SLCO4A1: variants seen among roughly 807,000 people sequenced by gnomAD.
The protein encoded by SLCO4A1 is colon organic anion transporter.
SLCO4A1 carries 51 observed loss-of-function variants against 64.6 expected under a neutral mutation model. That is an observed-to-expected ratio of 0.79 (90% confidence interval 0.63 to 1.00). The LOEUF is 1.00. Ranked by LOEUF, SLCO4A1 falls within the 50% of genes least tolerant of loss-of-function variation. The probability of loss-of-function intolerance (pLI) is 0.00; values close to 1 mark genes in which losing one functional copy is unlikely to be tolerated. For synonymous variants in SLCO4A1, 471 were observed against 444.9 expected (o/e 1.06, Z -0.74); for missense variants, 919 against 980.5 (o/e 0.94, Z 0.84).
downstream of SLCO4A1, among the ~76,000 whole-genome samples, chr20:62,688,073 A>G (rs1279007714): frequency 6.6e-6 from 1 of 151,290 alleles, no homozygotes; most frequent in Non-Finnish European, 1.5e-5. Flanking sequence ...AGGTCCCAGC[A>G]CCACCAACTT....
chr20:62,670,508 C>T (rs756333046), intron 11 of SLCO4A1, among the ~76,000 whole-genome samples: 6 of 152,216 alleles, frequency 3.9e-5, no homozygotes, highest in Non-Finnish European at 8.8e-5. Flanking sequence ...AAGCCGGAGG[C>T]GCCTCCTTCA....
chr20:62,678,765 C>T (rs142908057), intron 2 of SLCO4A1, among the ~76,000 whole-genome samples: 9 of 152,238 alleles, frequency 5.9e-5, no homozygotes, highest in Non-Finnish European at 8.8e-5. Context: ...GCAACAGGGA[C>T]GAACCTGGGA....
At chr20:62,659,819 C>T (rs557834599) in intron 3 of SLCO4A1, among the ~76,000 whole-genome samples, 3 of 152,260 alleles carry the variant, frequency 2.0e-5, no homozygotes, top group Non-Finnish European at 4.4e-5. Flanking sequence ...TGTGAAGACA[C>T]ATCCCCGAAA....
chr20:62,661,190 C>G lies in SLCO4A1; in HGVS notation c.1121+15C>G, dbSNP rs375505634. On this transcript the variant is annotated intron_variant, in intron 5 of 11. Coordinates refer to ENST00000217159, the MANE Select transcript of SLCO4A1 (RefSeq NM_016354.4). This position sits in a 1 kb window ranked among gnomAD's most constrained non-coding sequence, Gnocchi z 5.2. ...GACCTGCCTCTGTAAGGACCGGAGTCGGGAGGGTTCCTAGTGTCCTCAGAC... is the reference window on the plus strand; with the variant it reads ...GACCTGCCTCTGTAAGGACCGGAGTGGGGAGGGTTCCTAGTGTCCTCAGAC... The G allele has an allele frequency of 6.3e-7, 1 of 1,579,774 alleles. No individual in the cohort carries two copies. Among genetic ancestry groups the G allele is most frequent in the Non-Finnish European group, 8.7e-7 (1 of 1,149,590 alleles).
chr20:62,668,093 T>G lies in SLCO4A1; in HGVS notation c.1720T>G (p.Cys574Gly), dbSNP rs1215405545. 6.2e-7 allele frequency: 1 copy of G among 1,613,896 alleles called. No homozygotes were observed. Among genetic ancestry groups the G allele is most frequent in the Non-Finnish European group, 8.5e-7 (1 of 1,180,026 alleles). Residue 574 changes from cysteine to glycine, a missense_variant, in exon 9 of 12, where the codon TGT (cysteine) becomes GGT (glycine). Coordinates refer to ENST00000217159, the MANE Select transcript of SLCO4A1 (RefSeq NM_016354.4). The stretch of plus-strand genomic sequence containing the variant: ...CACTGCAGGGAAATGCACTTCAACT[T>G]GTCAGAGAAAGCCCCTCCTTCTGGT... ...HATAGKCTST[C>G]QRKPLLLVFI...
rs148969667 is a variant in SLCO4A1, at chr20:62,667,774, C to T, written c.1502C>T (p.Thr501Met). 65 of 1,610,910 alleles carry T rather than the reference C, an allele frequency of 4.0e-5. No homozygotes were observed. In the Admixed American group the frequency reaches 5.0e-4, roughly 12 times the overall value. The change falls in exon 8 of 12, where the codon ACG becomes ATG. Residue 501 changes from threonine to methionine, a missense_variant. Physicochemically the swap from Thr to Met is moderately conservative, Grantham distance 81. Transcript: ENST00000217159. The part of the protein sequence containing the change: ...SLLPEGHLNL[T>M]APCNAACSCQ... The stretch of plus-strand genomic sequence containing the variant: ...CTGCCCGAAGGCCACCTGAACCTAA[C>T]GGCTCCCTGCAACGCTGCCTGCAGC...
chr20:62,645,311 T>G lies in SLCO4A1; in HGVS notation c.-97+2758T>G, dbSNP rs1315750903. Among the ~76,000 whole-genome samples the G allele has an allele frequency of 6.6e-6, 1 of 152,066 alleles. No individual in the cohort carries two copies. Among genetic ancestry groups the G allele is most frequent in the South Asian group, 2.1e-4 (1 of 4,822 alleles). On this transcript the variant is annotated intron_variant, in intron 1 of 11. Transcript: ENST00000217159. This position sits in a 1 kb window ranked among gnomAD's most constrained non-coding sequence, Gnocchi z 4.2. ...GTGAGGAGGAAACTGGCCCTGCTGC[T>G]GGGACAACAGACTCTGGGCGTGTCC...
chr20:62,671,670 C>T (rs1169198274), intron 11 of SLCO4A1, 80 bp from the exon 12 acceptor site: 8 of 1,365,530 alleles, frequency 5.9e-6, no homozygotes, highest in East Asian at 2.3e-5. Flanking sequence ...GGGGCAGGGA[C>T]AGGACTGGGA....
At chr20:62,681,900 T>C (rs1358741533) in intron 2 of SLCO4A1, among the ~76,000 whole-genome samples, 1 of 152,228 alleles carries the variant, frequency 6.6e-6, no homozygotes, top group East Asian at 1.9e-4. Context: ...TTTGGTAGTT[T>C]GCAAAAACTT....
rs116944744 is a variant in SLCO4A1 at position 62,685,525 on chromosome 20, G to A, written n.296G>A. 33,086 of 840,376 alleles carry A rather than the reference G, an allele frequency of 0.039. 702 individuals carry two copies. The highest frequency in any genetic ancestry group is 0.1 in the South Asian group (1,909 of 18,486). The allele number at this position is 840,376 out of a possible 1,614,324, so 52.1% of individuals were successfully genotyped here. ...CTTGAATTGGATTTTCACCAAGGCC[G>A]TGATGGATGTGGAGTCTCGGCTTTC... On this transcript the variant is annotated non_coding_transcript_exon_variant, in exon 3 of 3. Coordinates refer to the SLCO4A1 transcript ENST00000466818. The surrounding 1 kb of genome is among the most constrained non-coding windows in gnomAD (Gnocchi z 4.6).
intron 8 of SLCO4A1, 23 bp downstream of exon 8, chr20:62,667,933 G>A (rs373113815): frequency 1.9e-4 from 304 of 1,613,816 alleles, no homozygotes; most frequent in Non-Finnish European, 2.4e-4. Context: ...GCTGCCTACC[G>A]CCCCTGTCCT....
intron 1 of SLCO4A1, among the ~76,000 whole-genome samples, chr20:62,654,721 G>C (rs763073977): frequency 6.6e-6 from 1 of 152,178 alleles, no homozygotes; most frequent in South Asian, 2.1e-4. Flanking sequence ...AAGCGCCGGG[G>C]TCCCTGTTGA....
At position 62,656,708 on chromosome 20, in the gene SLCO4A1, CGTGCGGCTG is replaced by C; in HGVS notation, c.258_266del (p.Cys86_Trp88del). ...TACGTCTCGGCCGGGCAGAGCGTGG[CGTGCGGCTG>C]GTGGGCCTTCGCACCGCCGTGCCTG... On this transcript the variant is annotated inframe_deletion, in exon 2 of 12. Transcript: ENST00000217159. 1 of 1,610,484 alleles carries C rather than the reference CGTGCGGCTG, an allele frequency of 6.2e-7. No individual in the cohort carries two copies. The highest frequency in any genetic ancestry group is 1.1e-5 in the South Asian group (1 of 90,690).
intron 2 of SLCO4A1, among the ~76,000 whole-genome samples, chr20:62,683,401 C>T (rs1987922788): frequency 6.6e-6 from 1 of 151,022 alleles, no homozygotes; most frequent in South Asian, 2.1e-4. Context: ...GGTGGGGGCA[C>T]CTGCTCCAGG....
chr20:62,677,893 C>G (rs1987666453), intron 2 of SLCO4A1, among the ~76,000 whole-genome samples: 1 of 152,254 alleles, frequency 6.6e-6, no homozygotes, highest in Non-Finnish European at 1.5e-5. Context: ...CTTGGGTGCT[C>G]CAGTCCCCAG....
chr20:62,650,162 G>A (rs1210847649), intron 1 of SLCO4A1: 4 of 152,306 alleles, frequency 2.6e-5, no homozygotes, highest in Non-Finnish European at 5.9e-5. Flanking sequence ...ACAGGGACCA[G>A]CTTGGGAAGC....
At chr20:62,686,364 T>C (rs1379218354), downstream of SLCO4A1, among the ~76,000 whole-genome samples, 1 of 152,160 alleles carries the variant, frequency 6.6e-6, no homozygotes, top group Non-Finnish European at 1.5e-5. Context: ...GGCGTGGAGC[T>C]CGCAGTTCTT....
chr20:62,679,519 C>T (rs540316452), intron 2 of SLCO4A1, among the ~76,000 whole-genome samples: 1 of 152,088 alleles, frequency 6.6e-6, no homozygotes, highest in Non-Finnish European at 1.5e-5. Flanking sequence ...ATAACCACCA[C>T]GCCCAGCTAA....
chr20:62,653,945 T>C (rs6010766), intron 1 of SLCO4A1, among the ~76,000 whole-genome samples: 3,392 of 151,494 alleles, frequency 0.022, 117 homozygotes, highest in African/African-American at 0.076. Flanking sequence ...ATGTAAATGA[T>C]GAGTTAATGG....
Sources: gnomAD v4.1 joint callset for allele counts (sites outside exome capture counted in the v4.1 genomes callset) on GRCh38, gnomAD v4.1.1 for gene constraint, Gnocchi (gnomAD v3.1) non-coding constraint, MANE v1.5 for transcripts, NCBI Gene and HGNC (gene_info 2026-07-23, HGNC 2026-07-21) for gene names.